XCL2: variants seen among roughly 807,000 people sequenced by gnomAD.
The protein encoded by XCL2 is X-C motif chemokine ligand 2, also known as cytokine SCM-1 beta.
Under a neutral mutation model 7.2 loss-of-function variants are expected in XCL2, and 8 were observed. The observed-to-expected ratio is 1.10, with a 90% CI of 0.65 to 1.99. The LOEUF (loss-of-function observed/expected upper bound fraction) is 1.99, where lower values mean the gene tolerates loss of function less well. XCL2 is among the 30% of genes most tolerant of loss of function. The pLI is 0.00. For synonymous variants in XCL2, 46 were observed against 54.2 expected (o/e 0.85, Z 0.67); for missense variants, 131 against 138.6 (o/e 0.94, Z 0.28).
chr1:168,543,308 A>G (rs891863600), intron 1 of XCL2: 2 of 219,388 alleles, frequency 9.1e-6, no homozygotes, highest in African/African-American at 4.7e-5. Context: ...GGAAGGCAAG[A>G]CTGGGACATC....
chr1:168,541,937 G>A, intron 2 of XCL2, 56 bp downstream of exon 2: 4 of 1,550,792 alleles, frequency 2.6e-6, no homozygotes, highest in Non-Finnish European at 3.5e-6. Context: ...TCTATAGAGT[G>A]TATTTCTATA....
At position 168,543,942 on chromosome 1, in the gene XCL2, A is replaced by C; in HGVS notation, c.23T>G (p.Leu8Arg). MRLLILA[L>R]LGICSLTAYI... ...TGCAGTGAGAGAGCAGATGCCAAGG[A>C]GGGCCAGGATGAGAAGTCTCATGGC... The change falls in exon 1 of 3, where the codon CTC becomes CGC. Residue 8 changes from leucine to arginine, a missense_variant. Physicochemically the swap from Leu to Arg is moderately radical, Grantham distance 102. Transcript: ENST00000367819. 6.2e-7 allele frequency: 1 copy of C among 1,610,028 alleles called. No individual in the cohort carries two copies.
At chr1:168,541,561 A>G (rs111307211) in intron 2 of XCL2, among the ~76,000 whole-genome samples, 5,251 of 152,258 alleles carry the variant, frequency 0.034, 135 homozygotes, top group Middle Eastern at 0.051. Context: ...ATTCTGGTAG[A>G]AGAAAGGGAC....
rs528765532 is a variant in XCL2, at chr1:168,542,187, C to T, written c.62-80G>A. 100 of 1,252,378 alleles carry T rather than the reference C, an allele frequency of 8.0e-5. 1 individual carries two copies. In the Admixed American group the frequency reaches 2.2e-3, roughly 27 times the overall value. 77.6% of individuals were successfully genotyped at this position (1,252,378 alleles called of 1,614,324 possible). A position where few individuals can be genotyped will look rare whatever the true frequency, so the allele number is the denominator to read the frequency against. On this transcript the variant is annotated intron_variant, in intron 1 of 2. Transcript: ENST00000367819. ...ACAGGAACAATCGTCTGTTAAATTA[C>T]TCTGAGAATGTTGTGAGAATATAAG...
chr1:168,542,020 A>T lies in XCL2; in HGVS notation c.149T>A (p.Ile50Asn). The change falls in exon 2 of 3, where the codon ATC becomes AAC. Residue 50 changes from isoleucine (I) to asparagine (N), a missense_variant. Physicochemically the swap from Ile to Asn is moderately radical, Grantham distance 149. Coordinates refer to ENST00000367819, the MANE Select transcript of XCL2 (RefSeq NM_003175.4). ...TACTGCTCTCAAGGAGCCTTCCGTG[A>T]TGGTGTAGGTCTTGATTCTGCTAAC... ...LPVSRIKTYT[I>N]TEGSLRAVIF... is the part of the protein sequence containing the mutation. 1 of 1,608,674 alleles carries T rather than the reference A, an allele frequency of 6.2e-7. No individual in the cohort carries two copies. The highest frequency in any genetic ancestry group is 8.5e-7 in the Non-Finnish European group (1 of 1,177,492).
At chr1:168,541,683 A>G (rs1040201287) in intron 2 of XCL2, among the ~76,000 whole-genome samples, 4 of 152,112 alleles carry the variant, frequency 2.6e-5, no homozygotes, top group African/African-American at 7.2e-5. Flanking sequence ...TTGCAGGGAA[A>G]CCCTGACATG....
chr1:168,542,045 C>G lies in XCL2; in HGVS notation c.124G>C (p.Val42Leu), dbSNP rs1457759158. Residue 42 changes from valine to leucine, a missense_variant, in exon 2 of 3, where the codon GTT becomes CTT. Transcript: ENST00000367819. Reference protein sequence around the residue: ...CVSLTTQRLPVSRIKTYTITE... With the variant: ...CVSLTTQRLPLSRIKTYTITE... Reference sequence around the variant, plus strand: ...ATGGTGTAGGTCTTGATTCTGCTAACTGGCAGTCGCTGGGTAGTGAGGCTC... The same window carrying G: ...ATGGTGTAGGTCTTGATTCTGCTAAGTGGCAGTCGCTGGGTAGTGAGGCTC... 2 of 1,598,870 alleles carry G rather than the reference C, an allele frequency of 1.3e-6. No individual in the cohort carries two copies. The highest frequency in any genetic ancestry group is 1.7e-6 in the Non-Finnish European group (2 of 1,171,648).
Position 168,542,031 on chromosome 1 carries a change from C to G in XCL2, c.138G>C (p.Lys46Asn). Residue 46 changes from lysine to asparagine, a missense_variant, in exon 2 of 3, where the codon AAG (lysine) becomes AAC (asparagine). Lys to Asn is a moderately conservative substitution (Grantham distance 94). Coordinates refer to ENST00000367819, the MANE Select transcript of XCL2 (RefSeq NM_003175.4). ...AGGAGCCTTCCGTGATGGTGTAGGT[C>G]TTGATTCTGCTAACTGGCAGTCGCT... ...TTQRLPVSRI[K>N]TYTITEGSLR... is the part of the protein sequence containing the mutation. The G allele has an allele frequency of 1.9e-6, 3 of 1,606,126 alleles. No individual in the cohort carries two copies. Among genetic ancestry groups the G allele is most frequent in the Non-Finnish European group, 2.6e-6 (3 of 1,176,238 alleles).
chr1:168,541,344 T>A (rs1360923085), intron 2 of XCL2, among the ~76,000 whole-genome samples: 1 of 152,168 alleles, frequency 6.6e-6, no homozygotes, highest in African/African-American at 2.4e-5. Flanking sequence ...TCACCATAAT[T>A]CACAGGCTCC....
At chr1:168,543,817 C>T in intron 1 of XCL2, 87 bp downstream of exon 1, 1 of 1,594,216 alleles carries the variant, frequency 6.3e-7, no homozygotes, top group Non-Finnish European at 8.6e-7. Context: ...GCAGTTTAGT[C>T]CAGTCAAAAC....
chr1:168,542,556 C>A (rs1004433099), intron 1 of XCL2, among the ~76,000 whole-genome samples: 2 of 151,920 alleles, frequency 1.3e-5, no homozygotes, highest in Non-Finnish European at 2.9e-5. Flanking sequence ...CAGAAAAGAT[C>A]ATTTCAAATA....
chr1:168,542,783 C>A (rs4276892), intron 1 of XCL2: 73,581 of 161,384 alleles, frequency 0.46, 17,647 homozygotes, highest in East Asian at 0.75. Context: ...TCCCTGCCGT[C>A]GTGAGGAAGC....
At chr1:168,541,675 G>T (rs747341101) in intron 2 of XCL2, among the ~76,000 whole-genome samples, 19 of 152,110 alleles carry the variant, frequency 1.2e-4, no homozygotes, top group Admixed American at 1.1e-3. Context: ...AGTGAGGCTT[G>T]CAGGGAAACC....
intron 1 of XCL2, chr1:168,543,483 G>A (rs1654336563): frequency 5.6e-6 from 1 of 177,580 alleles, no homozygotes; most frequent in Non-Finnish European, 1.2e-5. Context: ...ACCTACAAAT[G>A]CATTTATAAT....
intron 1 of XCL2, among the ~76,000 whole-genome samples, 182 bp from the exon 2 acceptor site, chr1:168,542,289 T>G (rs1285012801): frequency 1.3e-5 from 2 of 151,910 alleles, no homozygotes; most frequent in African/African-American, 4.8e-5. Flanking sequence ...TTAGTAAATA[T>G]TTGACTAATT....
intron 2 of XCL2, among the ~76,000 whole-genome samples, chr1:168,541,492 A>T (rs1230658554): frequency 3.3e-5 from 5 of 152,026 alleles, no homozygotes; most frequent in African/African-American, 1.2e-4. Flanking sequence ...TTACATTTTC[A>T]TTCTTTAGAG....
chr1:168,541,106 C>T lies in XCL2; in HGVS notation c.191G>A (p.Arg64His), dbSNP rs372640483. The T allele has an allele frequency of 1.8e-5, 29 of 1,613,386 alleles. No individual in the cohort carries two copies. Among genetic ancestry groups the T allele is most frequent in the Non-Finnish European group, 2.4e-5 (28 of 1,179,616 alleles). The change falls in exon 3 of 3, where the codon CGT (arginine) becomes CAT (histidine). Residue 64 changes from arginine to histidine, a missense_variant. Transcript: ENST00000367819. Reference protein sequence around the residue: ...SLRAVIFITKRGLKVCADPQA... With the variant: ...SLRAVIFITKHGLKVCADPQA... ...TGGATCAGCACAGACTTTTAGGCCA[C>T]GTTTGGTAATAAAACTGTAACGCAA...
chr1:168,543,758 T>C, intron 1 of XCL2, 146 bp downstream of exon 1: 1 of 1,017,300 alleles, frequency 9.8e-7, no homozygotes, highest in Non-Finnish European at 1.4e-6. Context: ...ACAGTCAAAA[T>C]CATCATTCCT....
At position 168,543,957 on chromosome 1, in the gene XCL2, A is replaced by G; in HGVS notation, c.8T>C (p.Leu3Pro). 1 of 1,608,222 alleles carries G rather than the reference A, an allele frequency of 6.2e-7. No individual in the cohort carries two copies. The highest frequency in any genetic ancestry group is 8.5e-7 in the Non-Finnish European group (1 of 1,177,556). The change falls in exon 1 of 3, where the codon CTT (leucine) becomes CCT (proline). Residue 3 changes from leucine to proline, a missense_variant. Coordinates refer to ENST00000367819, the MANE Select transcript of XCL2 (RefSeq NM_003175.4). MR[L>P]LILALLGICS... ...GATGCCAAGGAGGGCCAGGATGAGA[A>G]GTCTCATGGCTGAGGTCCCGCTGAG...
Sources: allele counts gnomAD v4.1 joint callset (sites outside exome capture counted in the v4.1 genomes callset), GRCh38; gene constraint gnomAD v4.1.1; transcripts MANE v1.5; gene names NCBI Gene and HGNC (gene_info 2026-07-23, HGNC 2026-07-21).